The following PHACTR2 variants were observed in gnomAD, a reference collection of about 807,000 sequenced individuals.
PHACTR2 encodes phosphatase and actin regulator 2, also known as chromosome 6 open reading frame 56.
PHACTR2 carries 30 observed loss-of-function variants against 76.0 expected under a neutral mutation model. That is an observed-to-expected ratio of 0.39 (90% CI 0.30 to 0.54). The LOEUF is 0.54. Ranked by LOEUF, PHACTR2 falls within the 20% of genes least tolerant of loss-of-function variation. PHACTR2 has a pLI of 0.61. For missense variants in PHACTR2, 696 were observed against 781.1 expected, an observed-to-expected ratio of 0.89 and a Z score of 1.30; for synonymous variants, 292 against 292.5, an observed-to-expected ratio of 1.00 and a Z score of 0.02.
chr6:143,714,058 C>T (rs938915733), intron 2 of PHACTR2, among the ~76,000 whole-genome samples: 5 of 151,966 alleles, frequency 3.3e-5, no homozygotes, highest in Admixed American at 6.6e-5. Context: ...GGCAAAAAAC[C>T]GCAATTACTT....
chr6:143,753,897 G>C lies in PHACTR2; in HGVS notation c.439G>C (p.Ala147Pro). The change falls in exon 4 of 13, where the codon GCA becomes CCA. Residue 147 changes from alanine to proline, a missense_variant. Ala to Pro is a conservative substitution (Grantham distance 27). Transcript: ENST00000440869. This position sits in a 1 kb window ranked among gnomAD's most constrained non-coding sequence, Gnocchi z 4.6. ...SEKTPPLEEQAEDKKENTENH... is the reference protein window; with the variant it reads ...SEKTPPLEEQPEDKKENTENH... ...AAAAACACCACCTCTGGAGGAACAG[G>C]CAGAAGATAAGAAAGGTAAAATAAA... 6.2e-7 allele frequency: 1 copy of C among 1,601,452 alleles called. No individual in the cohort carries two copies. The highest frequency in any genetic ancestry group is 8.5e-7 in the Non-Finnish European group (1 of 1,176,452).
At chr6:143,584,238 C>G (rs192692826) in intron 1 of PHACTR2, among the ~76,000 whole-genome samples, 1 of 152,132 alleles carries the variant, frequency 6.6e-6, no homozygotes, top group Non-Finnish European at 1.5e-5. Flanking sequence ...TTTGGAGGCC[C>G]GTCATGGACT....
rs922662614 is a variant in PHACTR2, at chr6:143,821,374, C to A, written c.1923-2300C>A. Among the ~76,000 whole-genome samples, 1 of 152,206 alleles carries A rather than the reference C, an allele frequency of 6.6e-6. No homozygotes were observed. The highest frequency in any genetic ancestry group is 2.4e-5 in the African/African-American group (1 of 41,450). On this transcript the variant is annotated intron_variant, in intron 12 of 12. Coordinates refer to ENST00000440869, the MANE Select transcript of PHACTR2 (RefSeq NM_001100164.2). The surrounding 1 kb of genome is among the most constrained non-coding windows in gnomAD (Gnocchi z 5.2). ...TCAATTCGTGGCCCATCTCATTTCA[C>A]CTGCTCTTATTTTTTAGTTTTTCAT...
chr6:143,685,911 C>T (rs529724574), intron 1 of PHACTR2, among the ~76,000 whole-genome samples: 1 of 152,192 alleles, frequency 6.6e-6, no homozygotes, highest in African/African-American at 2.4e-5. Context: ...GCAGGTGGAT[C>T]ACCTGGGGTC....
Position 143,821,023 on chromosome 6 carries a change from G to A in PHACTR2, c.1923-2651G>A, listed in dbSNP as rs1386488765. ...CTGAGCTGTATCTGGGGCCCTTTGC[G>A]CCAAGGCTGGAGCCAAAGTGGCTGG... On this transcript the variant is annotated intron_variant, in intron 12 of 12. Coordinates refer to ENST00000440869, the MANE Select transcript of PHACTR2 (RefSeq NM_001100164.2). This position sits in a 1 kb window ranked among gnomAD's most constrained non-coding sequence, Gnocchi z 5.2. 5.3e-5 allele frequency among the ~76,000 whole-genome samples: 8 copies of A among 152,222 alleles called. No individual in the cohort carries two copies. The highest frequency in any genetic ancestry group is 4.1e-4 in the South Asian group (2 of 4,834).
In PHACTR2 at chr6:143,656,739, G is replaced by A. The variant is rs1182209888; in HGVS notation, c.13+48417G>A. Reference sequence around the variant, plus strand: ...TCTGGAGTTATCACTGATTAGCAAAGCATTTTAATTAATAACTCAAACAGA... The same window carrying A: ...TCTGGAGTTATCACTGATTAGCAAAACATTTTAATTAATAACTCAAACAGA... On this transcript the variant is annotated intron_variant, in intron 1 of 11. Transcript: ENST00000305766. The surrounding 1 kb of genome is among the most constrained non-coding windows in gnomAD (Gnocchi z 5.3). 6.6e-6 allele frequency among the ~76,000 whole-genome samples: 1 copy of A among 152,104 alleles called. No homozygotes were observed. Among genetic ancestry groups the A allele is most frequent in the Non-Finnish European group, 1.5e-5 (1 of 68,024 alleles).
At chr6:143,717,348 G>A (rs1395906802) in intron 2 of PHACTR2, among the ~76,000 whole-genome samples, 3 of 152,164 alleles carry the variant, frequency 2.0e-5, no homozygotes, top group Non-Finnish European at 4.4e-5. Context: ...GTTAGGACAT[G>A]TTTATTTTAA....
upstream of PHACTR2, among the ~76,000 whole-genome samples, chr6:143,605,814 A>G (rs1288595487): frequency 1.3e-5 from 2 of 152,154 alleles, no homozygotes; most frequent in African/African-American, 4.8e-5. The surrounding 1 kb of genome is among the most constrained non-coding windows in gnomAD (Gnocchi z 5.0). Flanking sequence ...ATTAAGAATT[A>G]TTTTCTGCCA....
intron 1 of PHACTR2, among the ~76,000 whole-genome samples, chr6:143,642,960 C>A (rs1486709175): frequency 1.3e-5 from 2 of 152,100 alleles, no homozygotes; most frequent in African/African-American, 2.4e-5. Context: ...TTTGGCTATT[C>A]CCTATTAATT....
Position 143,540,861 on chromosome 6 carries a change from A to G in PHACTR2, c.217+3654A>G, listed in dbSNP as rs943385256. On this transcript the variant is annotated intron_variant, in intron 1 of 11. Transcript: ENST00000367584. The stretch of plus-strand genomic sequence containing the variant: ...ATTATGTTTATAAAAACGTGGATTC[A>G]TTTTGCCATATGGTTTTTGAACTCA... Among the ~76,000 whole-genome samples the G allele has an allele frequency of 1.6e-4, 24 of 152,356 alleles. No individual in the cohort carries two copies. In the East Asian group the frequency reaches 4.2e-3, roughly 27 times the overall value.
In PHACTR2 at chr6:143,596,807, C is replaced by T. The variant is rs1225112814; in HGVS notation, c.217+59600C>T. Among the ~76,000 whole-genome samples, 1 of 152,084 alleles carries T rather than the reference C, an allele frequency of 6.6e-6. No homozygotes were observed. Among genetic ancestry groups the T allele is most frequent in the Admixed American group, 6.5e-5 (1 of 15,274 alleles). On this transcript the variant is annotated intron_variant, in intron 1 of 11. Transcript: ENST00000367584. The surrounding 1 kb of genome is among the most constrained non-coding windows in gnomAD (Gnocchi z 4.6). ...GAACTGTGATCGTGCCACAGCATTC[C>T]AGCTTGAGTGACAGAGTGAGACCTC...
chr6:143,792,839 A>G (rs1775724974), intron 11 of PHACTR2, among the ~76,000 whole-genome samples: 1 of 152,170 alleles, frequency 6.6e-6, no homozygotes, highest in Non-Finnish European at 1.5e-5. Context: ...AGAACCAGGT[A>G]AAAGCTATAT....
Position 143,583,481 on chromosome 6 carries a change from CAG to C in PHACTR2, c.217+46279_217+46280del. 6.6e-6 allele frequency among the ~76,000 whole-genome samples: 1 copy of C among 152,334 alleles called. No homozygotes were observed. The highest frequency in any genetic ancestry group is 3.4e-3 in the Middle Eastern group (1 of 294). On this transcript the variant is annotated intron_variant, in intron 1 of 11. Transcript: ENST00000367584. The surrounding 1 kb of genome is among the most constrained non-coding windows in gnomAD (Gnocchi z 4.0). ...ATATTTTTGTACTTAATCACAAAAG[CAG>C]AGAGTCTGACAAGAATTTGAAAAAG...
rs780674134 is a variant in PHACTR2 at position 143,680,492 on chromosome 6, T to G, written c.46+2283T>G. 4.6e-5 allele frequency among the ~76,000 whole-genome samples: 7 copies of G among 152,212 alleles called. No homozygotes were observed. Among genetic ancestry groups the G allele is most frequent in the Non-Finnish European group, 1.0e-4 (7 of 68,024 alleles). On this transcript the variant is annotated intron_variant, in intron 1 of 12. Transcript: ENST00000440869. This position sits in a 1 kb window ranked among gnomAD's most constrained non-coding sequence, Gnocchi z 4.5. Reference sequence around the variant, plus strand: ...CTCAATTTGGCCTTTTGTAAAAATCTTCATTATAGGCTAGAAGTTAGCTTG... The same window carrying G: ...CTCAATTTGGCCTTTTGTAAAAATCGTCATTATAGGCTAGAAGTTAGCTTG...
chr6:143,610,695 T>G lies in PHACTR2; in HGVS notation c.13+2373T>G, dbSNP rs1775961780. Among the ~76,000 whole-genome samples, 1 of 152,206 alleles carries G rather than the reference T, an allele frequency of 6.6e-6. No homozygotes were observed. The highest frequency in any genetic ancestry group is 1.5e-5 in the Non-Finnish European group (1 of 68,034). On this transcript the variant is annotated intron_variant, in intron 1 of 11. Coordinates refer to the PHACTR2 transcript ENST00000305766. This position sits in a 1 kb window ranked among gnomAD's most constrained non-coding sequence, Gnocchi z 4.9. ...TTGGTGGGTGTGTGTACATTTCAGC[T>G]ATCATGGCATTGTGAATCTGTCCTT...
At position 143,610,353 on chromosome 6, in the gene PHACTR2, G is replaced by A. The variant is rs530763768; in HGVS notation, c.13+2031G>A. Among the ~76,000 whole-genome samples the A allele has an allele frequency of 4.6e-5, 7 of 152,196 alleles. No homozygotes were observed. In the East Asian group the frequency reaches 1.4e-3, roughly 29 times the overall value. On this transcript the variant is annotated intron_variant, in intron 1 of 11. Transcript: ENST00000305766. The surrounding 1 kb of genome is among the most constrained non-coding windows in gnomAD (Gnocchi z 4.9). The stretch of plus-strand genomic sequence containing the variant: ...AGTTTCTCCAATTTAATTTAAAGAA[G>A]ATAATGATGTTGAGTATTTGCCTAA...
chr6:143,792,463 T>C (rs1206489468), intron 11 of PHACTR2, among the ~76,000 whole-genome samples: 1 of 152,144 alleles, frequency 6.6e-6, no homozygotes, highest in East Asian at 1.9e-4. Context: ...TAGTGGCTCC[T>C]AGTTGACCCT....
Position 143,806,373 on chromosome 6 carries a change from C to A in PHACTR2, c.1846-684C>A, listed in dbSNP as rs967527891. Among the ~76,000 whole-genome samples, 1 of 152,192 alleles carries A rather than the reference C, an allele frequency of 6.6e-6. No individual in the cohort carries two copies. Among genetic ancestry groups the A allele is most frequent in the Non-Finnish European group, 1.5e-5 (1 of 68,032 alleles). ...CCAATATTAAAGAATATATAAGCAACTGCTTTCTCTGTAGCTCTCTGGCAG... is the reference window on the plus strand; with the variant it reads ...CCAATATTAAAGAATATATAAGCAAATGCTTTCTCTGTAGCTCTCTGGCAG... On this transcript the variant is annotated intron_variant, in intron 11 of 12. Transcript: ENST00000440869. The surrounding 1 kb of genome is among the most constrained non-coding windows in gnomAD (Gnocchi z 5.8).
chr6:143,671,003 A>C lies in PHACTR2; in HGVS notation c.14-41013A>C, dbSNP rs1232075539. Among the ~76,000 whole-genome samples, 1 of 151,250 alleles carries C rather than the reference A, an allele frequency of 6.6e-6. No homozygotes were observed. The highest frequency in any genetic ancestry group is 1.5e-5 in the Non-Finnish European group (1 of 67,818). Reference sequence around the variant, plus strand: ...CAGTGGCACGATCTCGACTCACTGCAACCTCCACCTCCCAGTTCCAGGTTC... The same window carrying C: ...CAGTGGCACGATCTCGACTCACTGCCACCTCCACCTCCCAGTTCCAGGTTC... On this transcript the variant is annotated intron_variant, in intron 1 of 11. Coordinates refer to the PHACTR2 transcript ENST00000305766. The surrounding 1 kb of genome is among the most constrained non-coding windows in gnomAD (Gnocchi z 4.6).
Sources: allele counts gnomAD v4.1 joint callset (sites outside exome capture counted in the v4.1 genomes callset), GRCh38; gene constraint gnomAD v4.1.1; non-coding constraint Gnocchi (gnomAD v3.1); transcripts MANE v1.5; gene names NCBI Gene and HGNC (gene_info 2026-07-23, HGNC 2026-07-21).